STXBP6: variants seen among roughly 807,000 people sequenced by gnomAD.
STXBP6 encodes syntaxin-binding protein 6.
A neutral mutation model predicts 26.9 loss-of-function variants in STXBP6; 21 were observed. The ratio of observed to expected loss-of-function variants is 0.78; its 90% CI spans 0.55 to 1.12. STXBP6 has a LOEUF of 1.12. STXBP6 is among the 50% of genes most tolerant of loss of function. The pLI is 0.00. For missense variants in STXBP6, 232 were observed against 257.9 expected, an observed-to-expected ratio of 0.90 and a Z score of 0.69; for synonymous variants, 97 against 92.6, an observed-to-expected ratio of 1.05 and a Z score of -0.27.
intron 4 of STXBP6, among the ~76,000 whole-genome samples, chr14:24,845,295 A>G (rs1015024053): frequency 3.3e-5 from 5 of 152,142 alleles, no homozygotes; most frequent in Non-Finnish European, 5.9e-5. Flanking sequence ...TACAGGCATG[A>G]GCCACCGCGC....
At chr14:25,018,295 C>G (rs749630805) in intron 1 of STXBP6, among the ~76,000 whole-genome samples, 14 of 152,162 alleles carry the variant, frequency 9.2e-5, no homozygotes, top group Non-Finnish European at 1.9e-4. Flanking sequence ...CAGGCCTAGG[C>G]AGCAATGCAC....
chr14:24,915,108 T>C (rs2071714817), intron 2 of STXBP6, among the ~76,000 whole-genome samples: 1 of 152,136 alleles, frequency 6.6e-6, no homozygotes, highest in Non-Finnish European at 1.5e-5. Flanking sequence ...ACAATTGCAT[T>C]TCATGTCATT....
intron 2 of STXBP6, among the ~76,000 whole-genome samples, chr14:24,905,047 G>A (rs1467394800): frequency 6.6e-6 from 1 of 152,134 alleles, no homozygotes; most frequent in Non-Finnish European, 1.5e-5. Context: ...TTGTATCTAA[G>A]TTTCTCATAT....
chr14:24,859,605 A>G (rs757222464), intron 2 of STXBP6, among the ~76,000 whole-genome samples: 24 of 152,162 alleles, frequency 1.6e-4, no homozygotes, highest in Non-Finnish European at 3.2e-4. Flanking sequence ...CCAGATGTCT[A>G]GTGAAAAACA....
chr14:24,895,671 G>A (rs1457599320), intron 2 of STXBP6, among the ~76,000 whole-genome samples: 1 of 152,188 alleles, frequency 6.6e-6, no homozygotes, highest in Non-Finnish European at 1.5e-5. Flanking sequence ...ATAGGGTAGG[G>A]CTTCCATTAT....
chr14:25,032,664 A>G (rs2075480605), intron 1 of STXBP6, among the ~76,000 whole-genome samples: 1 of 152,208 alleles, frequency 6.6e-6, no homozygotes, highest in African/African-American at 2.4e-5. Flanking sequence ...ACAGGAGAAC[A>G]TAAGAACAGA....
intron 2 of STXBP6, among the ~76,000 whole-genome samples, chr14:24,915,819 G>C (rs1192564407): frequency 6.6e-6 from 1 of 152,018 alleles, no homozygotes; most frequent in African/African-American, 2.4e-5. Flanking sequence ...AAGGTTTGCA[G>C]AACAAAAATA....
chr14:24,885,374 C>A (rs955391175), intron 2 of STXBP6, among the ~76,000 whole-genome samples: 14 of 152,158 alleles, frequency 9.2e-5, no homozygotes, highest in Non-Finnish European at 2.1e-4. Context: ...TTTTCCTGTA[C>A]TCAAGGTTTG....
intron 2 of STXBP6, among the ~76,000 whole-genome samples, chr14:24,889,888 C>T (rs1490574163): frequency 1.3e-5 from 2 of 152,212 alleles, no homozygotes; most frequent in Admixed American, 1.3e-4. Flanking sequence ...AAGAAGCACA[C>T]TTGAAGTTGA....
chr14:24,867,683 T>C (rs1364668577), intron 2 of STXBP6, among the ~76,000 whole-genome samples: 1 of 152,138 alleles, frequency 6.6e-6, no homozygotes, highest in Non-Finnish European at 1.5e-5. Flanking sequence ...ATGGGTGATA[T>C]ATCTAAATGT....
At chr14:24,968,776 C>T (rs968415790) in intron 2 of STXBP6, among the ~76,000 whole-genome samples, 8 of 151,994 alleles carry the variant, frequency 5.3e-5, no homozygotes, top group African/African-American at 1.9e-4. Flanking sequence ...CATGGCCAGA[C>T]AACAAGAAAG....
chr14:24,859,023 C>T (rs967851621), intron 2 of STXBP6, among the ~76,000 whole-genome samples: 1 of 152,100 alleles, frequency 6.6e-6, no homozygotes, highest in Admixed American at 6.6e-5. Flanking sequence ...CATTTGCTTC[C>T]AAGTAATTTA....
At chr14:24,889,839 C>T (rs1168119493) in intron 2 of STXBP6, among the ~76,000 whole-genome samples, 1 of 152,158 alleles carries the variant, frequency 6.6e-6, no homozygotes, top group Non-Finnish European at 1.5e-5. Context: ...GAAATTATTT[C>T]TTACCATACA....
intron 2 of STXBP6, among the ~76,000 whole-genome samples, chr14:24,949,474 A>T (rs1328992250): frequency 6.6e-6 from 1 of 152,140 alleles, no homozygotes; most frequent in Non-Finnish European, 1.5e-5. Context: ...ACTGTGTTCT[A>T]GATTGCTTAG....
At chr14:24,839,406 G>T (rs1365701743) in intron 4 of STXBP6, among the ~76,000 whole-genome samples, 1 of 151,982 alleles carries the variant, frequency 6.6e-6, no homozygotes, top group Non-Finnish European at 1.5e-5. Context: ...CTAACCATAA[G>T]CAAAAGAGAA....
At chr14:24,900,133 T>G (rs925616223) in intron 2 of STXBP6, among the ~76,000 whole-genome samples, 1 of 152,200 alleles carries the variant, frequency 6.6e-6, no homozygotes, top group Admixed American at 6.5e-5. Flanking sequence ...GTTCCTAATA[T>G]TAGATTTTTC....
chr14:24,953,897 C>T (rs542210820), intron 2 of STXBP6, among the ~76,000 whole-genome samples: 7 of 152,296 alleles, frequency 4.6e-5, no homozygotes, highest in African/African-American at 1.7e-4. Context: ...CCACGGAGTG[C>T]ATAAGAAACA....
chr14:24,962,132 C>T (rs1036673616), intron 2 of STXBP6, among the ~76,000 whole-genome samples: 61 of 152,106 alleles, frequency 4.0e-4, no homozygotes, highest in African/African-American at 1.2e-3. Flanking sequence ...TGCACAGTAC[C>T]CTTATATACA....
chr14:25,019,930 T>G (rs1394389378), intron 1 of STXBP6, among the ~76,000 whole-genome samples: 1 of 150,576 alleles, frequency 6.6e-6, no homozygotes, highest in African/African-American at 2.4e-5. Context: ...TAAAAAATGC[T>G]GGTTCTGTCC....
Sources: allele counts gnomAD v4.1 joint callset (sites outside exome capture counted in the v4.1 genomes callset), GRCh38; gene constraint gnomAD v4.1.1; transcripts MANE v1.5; gene names NCBI Gene and HGNC (gene_info 2026-07-23, HGNC 2026-07-21).